The following GABRR2 variants were observed in gnomAD, a reference collection of about 807,000 sequenced individuals.
The protein encoded by GABRR2 is gamma-aminobutyric acid receptor subunit rho-2.
Under a neutral mutation model 47.0 loss-of-function variants are expected in GABRR2, and 36 were observed. The ratio of observed to expected loss-of-function variants is 0.77; its 90% CI spans 0.59 to 1.01. The LOEUF is 1.01. GABRR2 is among the 50% of genes least tolerant of loss of function. The pLI is 0.00. For synonymous variants in GABRR2, 204 were observed against 227.5 expected (o/e 0.90, Z 0.93); for missense variants, 587 against 594.6 (o/e 0.99, Z 0.13).
chr6:89,303,993 A>C (rs376442915), intron 1 of GABRR2, among the ~76,000 whole-genome samples: 26 of 152,352 alleles, frequency 1.7e-4, no homozygotes, highest in African/African-American at 5.8e-4. Flanking sequence ...ACTCAAAACT[A>C]TAAAAACCCT....
chr6:89,268,578 A>G (rs1349757838), intron 4 of GABRR2, among the ~76,000 whole-genome samples: 2 of 151,220 alleles, frequency 1.3e-5, no homozygotes, highest in Non-Finnish European at 2.9e-5. Flanking sequence ...GTGGAACATG[A>G]CTTCTTATGT....
intron 2 of GABRR2, among the ~76,000 whole-genome samples, chr6:89,289,158 C>G (rs926831837): frequency 6.6e-6 from 1 of 152,124 alleles, no homozygotes; most frequent in Non-Finnish European, 1.5e-5. Flanking sequence ...AACAAATGCT[C>G]GCAGGCAGAA....
intron 2 of GABRR2, among the ~76,000 whole-genome samples, chr6:89,291,475 C>T (rs894389512): frequency 3.3e-5 from 5 of 152,050 alleles, no homozygotes; most frequent in Admixed American, 6.6e-5. Context: ...CTCCTGTCTA[C>T]ACACGCACAC....
chr6:89,260,360 C>G (rs1174682323), intron 8 of GABRR2, among the ~76,000 whole-genome samples: 2 of 152,198 alleles, frequency 1.3e-5, no homozygotes, highest in Non-Finnish European at 2.9e-5. Context: ...ATAGACTCTT[C>G]TCCTAAGATT....
chr6:89,258,539 CT>C (rs1773661929), intron 8 of GABRR2, among the ~76,000 whole-genome samples: 2 of 110,700 alleles, frequency 1.8e-5, no homozygotes, highest in South Asian at 2.9e-4. Context: ...GACTCCTTCT[CT>C]AAAAAAAAAA....
At chr6:89,279,078 C>T (rs936612169) in intron 2 of GABRR2, among the ~76,000 whole-genome samples, 2 of 152,196 alleles carry the variant, frequency 1.3e-5, no homozygotes, top group African/African-American at 4.8e-5. Context: ...GCCCGAGAAA[C>T]CGCCATGCCC....
intron 1 of GABRR2, among the ~76,000 whole-genome samples, chr6:89,303,647 GAA>G (rs34541330): frequency 0.33 from 33,816 of 102,374 alleles, 4,963 homozygotes; most frequent in African/African-American, 0.47. Flanking sequence ...TCTTAAGGAG[GAA>G]AAAAAAAAAA....
chr6:89,264,346 G>A, intron 8 of GABRR2, 66 bp downstream of exon 8: 1 of 1,524,516 alleles, frequency 6.6e-7, no homozygotes, highest in Non-Finnish European at 8.8e-7. Flanking sequence ...CTGCCCCCTG[G>A]CCCAGAAGAC....
At chr6:89,302,843 C>T in intron 1 of GABRR2, 1 of 1,355,878 alleles carries the variant, frequency 7.4e-7, no homozygotes, top group Non-Finnish European at 1.0e-6. Context: ...CACCCCCCAG[C>T]CTCAAGATGT....
chr6:89,269,724 A>G (rs909913663), intron 3 of GABRR2, among the ~76,000 whole-genome samples: 1 of 152,186 alleles, frequency 6.6e-6, no homozygotes, highest in African/African-American at 2.4e-5. Flanking sequence ...TTGCATCCCC[A>G]TTCATCACAG....
chr6:89,279,697 C>CA (rs1774224757), intron 2 of GABRR2, among the ~76,000 whole-genome samples: 2 of 70,132 alleles, frequency 2.9e-5, no homozygotes, highest in African/African-American at 1.1e-4. Context: ...AAAAAAAAAA[C>CA]CCCACTGATA....
chr6:89,285,937 A>C (rs1391255344), intron 2 of GABRR2, among the ~76,000 whole-genome samples: 1 of 151,738 alleles, frequency 6.6e-6, no homozygotes, highest in Non-Finnish European at 1.5e-5. Flanking sequence ...TCTGTGACAC[A>C]GCTCTCGCCC....
rs1773618259 is a variant in GABRR2 at position 89,257,133 on chromosome 6, T to G, written c.*537A>C. ...ATAAATGAATAATCTCCTCTAATAT[T>G]GCAGAATCCTGTGGGTTGCCATACT... On this transcript the variant is annotated 3_prime_UTR_variant, in exon 9 of 9. Transcript: ENST00000402938. 6.5e-6 allele frequency: 1 copy of G among 154,536 alleles called. No homozygotes were observed. The highest frequency in any genetic ancestry group is 1.4e-5 in the Non-Finnish European group (1 of 69,462). The allele number at this position is 154,536 out of a possible 1,614,324, so 9.6% of individuals were successfully genotyped here.
At chr6:89,296,866 G>T (rs946225704) in intron 2 of GABRR2, among the ~76,000 whole-genome samples, 1 of 152,324 alleles carries the variant, frequency 6.6e-6, no homozygotes, top group East Asian at 1.9e-4. Context: ...TAAGGCTTTC[G>T]CTTTTGCAGC....
intron 8 of GABRR2, among the ~76,000 whole-genome samples, chr6:89,261,169 G>A (rs2127825383): frequency 6.6e-6 from 1 of 152,304 alleles, no homozygotes; most frequent in Non-Finnish European, 1.5e-5. Flanking sequence ...GTCAGATGAA[G>A]GCTTTGCTAT....
intron 2 of GABRR2, among the ~76,000 whole-genome samples, chr6:89,274,380 C>G (rs924232013): frequency 6.6e-6 from 1 of 152,208 alleles, no homozygotes; most frequent in East Asian, 1.9e-4. Context: ...CTCTCAAGAT[C>G]TCCACTTTGT....
intron 2 of GABRR2, among the ~76,000 whole-genome samples, chr6:89,289,068 G>C (rs1490711764): frequency 1.3e-5 from 2 of 152,260 alleles, no homozygotes; most frequent in Non-Finnish European, 2.9e-5. Context: ...GATGCTTCAT[G>C]TAAGAGGAAA....
At chr6:89,270,218 C>T (rs750248723) in intron 3 of GABRR2, among the ~76,000 whole-genome samples, 58 of 152,340 alleles carry the variant, frequency 3.8e-4, no homozygotes, top group Non-Finnish European at 5.7e-4. Flanking sequence ...TTTCCCTTCT[C>T]GGTCACAAAG....
At chr6:89,263,475 G>C (rs1235764839) in intron 8 of GABRR2, among the ~76,000 whole-genome samples, 1 of 152,170 alleles carries the variant, frequency 6.6e-6, no homozygotes, top group Non-Finnish European at 1.5e-5. Flanking sequence ...AGGATCGACT[G>C]TAGTATAATA....
Sources: allele counts gnomAD v4.1 joint callset (sites outside exome capture counted in the v4.1 genomes callset), GRCh38; gene constraint gnomAD v4.1.1; transcripts MANE v1.5; gene names NCBI Gene and HGNC (gene_info 2026-07-23, HGNC 2026-07-21).